The following SND1 variants were observed in gnomAD, a reference collection of about 807,000 sequenced individuals.
SND1 encodes the protein staphylococcal nuclease and tudor domain containing 1.
Under a neutral mutation model 121.7 loss-of-function variants are expected in SND1, and 38 were observed. The observed-to-expected ratio is 0.31, with a 90% CI of 0.24 to 0.41. SND1 has a LOEUF of 0.41. Among genes scored for constraint, SND1 ranks in the 10% least tolerant of loss-of-function variants. SND1 has a pLI of 1.00. For missense variants in SND1, 868 were observed against 1,184.6 expected (o/e 0.73, Z 3.92); for synonymous variants, 401 against 447.4 (o/e 0.90, Z 1.31).
Position 127,779,607 on chromosome 7 carries a change from G to A in SND1, c.1153-27877G>A, listed in dbSNP as rs538687832. ...GGGGCCTTTGGAAATGTGTAGAGAC[G>A]TTTCTAATATGCAGGTCACTGGGGA... On this transcript the variant is annotated intron_variant, in intron 10 of 23. Transcript: ENST00000354725. 7.9e-5 allele frequency among the ~76,000 whole-genome samples: 12 copies of A among 152,294 alleles called. No individual in the cohort carries two copies. The South Asian group carries it at 1.9e-3, about 24-fold the overall frequency.
intron 16 of SND1, among the ~76,000 whole-genome samples, chr7:127,997,130 T>G (rs922842791): frequency 2.6e-5 from 4 of 152,222 alleles, no homozygotes; most frequent in Non-Finnish European, 5.9e-5. Context: ...GACACCAAAA[T>G]GCACAGTAAC....
At chr7:128,044,270 A>G (rs1315515196) in intron 16 of SND1, among the ~76,000 whole-genome samples, 1 of 152,244 alleles carries the variant, frequency 6.6e-6, no homozygotes, top group Admixed American at 6.5e-5. Context: ...GGTGTGGTCA[A>G]GGAGCTTTGC....
chr7:128,074,007 C>T (rs2117049804), intron 16 of SND1, among the ~76,000 whole-genome samples: 1 of 152,308 alleles, frequency 6.6e-6, no homozygotes, highest in African/African-American at 2.4e-5. Context: ...TGTCCTCTCC[C>T]CCTCTCCTCT....
chr7:127,681,653 T>C (rs1431194510), intron 1 of SND1, among the ~76,000 whole-genome samples: 1 of 152,208 alleles, frequency 6.6e-6, no homozygotes, highest in African/African-American at 2.4e-5. Flanking sequence ...TTGAGTTATC[T>C]TTTGTATATG....
At chr7:127,698,293 G>C (rs1276302361) in intron 3 of SND1, among the ~76,000 whole-genome samples, 2 of 152,140 alleles carry the variant, frequency 1.3e-5, no homozygotes, top group African/African-American at 2.4e-5. Context: ...ACGTGTGATA[G>C]CCAGCCCTAA....
At chr7:128,030,392 C>T in intron 16 of SND1, 1 of 1,613,934 alleles carries the variant, frequency 6.2e-7, no homozygotes, top group Non-Finnish European at 8.5e-7. Flanking sequence ...TGTTGTTCTC[C>T]ATGAGGTTGA....
intron 15 of SND1, among the ~76,000 whole-genome samples, chr7:127,987,995 C>T (rs1802433600): frequency 6.6e-6 from 1 of 152,158 alleles, no homozygotes; most frequent in Admixed American, 6.5e-5. Context: ...AATGGTCTTC[C>T]TGCCTAAATA....
intron 12 of SND1, among the ~76,000 whole-genome samples, chr7:127,857,517 G>T (rs1185218373): frequency 6.6e-6 from 1 of 150,924 alleles, no homozygotes; most frequent in African/African-American, 2.4e-5. Flanking sequence ...TGTAAGTGAG[G>T]TTTCTTTTTT....
chr7:127,813,878 T>G (rs936662061), intron 11 of SND1, among the ~76,000 whole-genome samples: 1 of 152,140 alleles, frequency 6.6e-6, no homozygotes, highest in Non-Finnish European at 1.5e-5. Flanking sequence ...GTGTGTTATT[T>G]GTGTGATGTA....
chr7:128,029,504 C>T lies in SND1; in HGVS notation c.1779+38448C>T. On this transcript the variant is annotated intron_variant, in intron 16 of 23. Transcript: ENST00000354725. The surrounding 1 kb of genome is among the most constrained non-coding windows in gnomAD (Gnocchi z 4.2). ...TGGGCAGCAACCACTTCACGGAGGA[C>T]ATAGGGGGAGTCCGACACTTAAGTT... 6.2e-7 allele frequency: 1 copy of T among 1,614,090 alleles called. No homozygotes were observed. Among genetic ancestry groups the T allele is most frequent in the South Asian group, 1.1e-5 (1 of 91,078 alleles).
At chr7:127,944,300 C>A (rs1217396000) in intron 15 of SND1, among the ~76,000 whole-genome samples, 2 of 152,224 alleles carry the variant, frequency 1.3e-5, no homozygotes, top group Non-Finnish European at 2.9e-5. Context: ...AGCCGCCCAC[C>A]AGAGTCACTA....
intron 11 of SND1, among the ~76,000 whole-genome samples, chr7:127,819,644 GC>G (rs1464371059): frequency 6.6e-6 from 1 of 152,080 alleles, no homozygotes; most frequent in Non-Finnish European, 1.5e-5. Flanking sequence ...CACCTCACCC[GC>G]TTTCTATTTT....
At chr7:127,874,807 T>C (rs1799660752) in intron 12 of SND1, among the ~76,000 whole-genome samples, 1 of 152,196 alleles carries the variant, frequency 6.6e-6, no homozygotes, top group Non-Finnish European at 1.5e-5. Flanking sequence ...AAATGTTTAA[T>C]ATATAATTTA....
At chr7:127,732,072 A>G (rs1480926324) in intron 10 of SND1, among the ~76,000 whole-genome samples, 2 of 152,202 alleles carry the variant, frequency 1.3e-5, no homozygotes, top group East Asian at 1.9e-4. Flanking sequence ...TGCCCACCCC[A>G]GAGATGGTGG....
chr7:127,819,293 T>C lies in SND1; in HGVS notation c.1242+11720T>C, dbSNP rs561190319. Among the ~76,000 whole-genome samples the C allele has an allele frequency of 6.6e-5, 10 of 152,322 alleles. No homozygotes were observed. In the East Asian group the frequency reaches 9.6e-4, roughly 15 times the overall value. On this transcript the variant is annotated intron_variant, in intron 11 of 23. Coordinates refer to ENST00000354725, the MANE Select transcript of SND1 (RefSeq NM_014390.4). The stretch of plus-strand genomic sequence containing the variant: ...CAGTGACCTCAGAGTCAGGAAGATA[T>C]GCAGTTGAAGATTGTGTATCATCAC...
chr7:127,946,076 T>C (rs984050649), intron 15 of SND1, among the ~76,000 whole-genome samples: 3 of 152,212 alleles, frequency 2.0e-5, no homozygotes, highest in African/African-American at 7.2e-5. Context: ...GCCTTTCTTT[T>C]GGGATGATCA....
intron 10 of SND1, among the ~76,000 whole-genome samples, chr7:127,737,406 C>G (rs1300971562): frequency 6.6e-6 from 1 of 152,254 alleles, no homozygotes; most frequent in Non-Finnish European, 1.5e-5. Context: ...GAAACGCCAT[C>G]TCTACTGAAA....
intron 10 of SND1, among the ~76,000 whole-genome samples, chr7:127,764,519 T>G (rs1797375502): frequency 6.6e-6 from 1 of 152,250 alleles, no homozygotes; most frequent in African/African-American, 2.4e-5. Flanking sequence ...CATCTTTAGT[T>G]TGCCTGCATA....
chr7:128,039,460 A>T (rs957518752), intron 16 of SND1, among the ~76,000 whole-genome samples: 2 of 152,114 alleles, frequency 1.3e-5, no homozygotes, highest in East Asian at 3.9e-4. Flanking sequence ...ACATTCTTTG[A>T]AGAAGCAGGT....
Sources: allele counts gnomAD v4.1 joint callset (sites outside exome capture counted in the v4.1 genomes callset), GRCh38; gene constraint gnomAD v4.1.1; non-coding constraint Gnocchi (gnomAD v3.1); transcripts MANE v1.5; gene names NCBI Gene and HGNC (gene_info 2026-07-23, HGNC 2026-07-21).